The following PACSIN2 variants were observed in gnomAD, a reference collection of about 807,000 sequenced individuals.
PACSIN2 encodes protein kinase C and casein kinase substrate in neurons protein 2.
PACSIN2 carries 25 observed loss-of-function variants against 63.8 expected under a neutral mutation model. That is an observed-to-expected ratio of 0.39 (90% CI 0.29 to 0.55). The LOEUF is 0.55. Among genes scored for constraint, PACSIN2 ranks in the 20% least tolerant of loss-of-function variants. PACSIN2 has a pLI of 0.62. For synonymous variants in PACSIN2, 255 were observed against 256.2 expected (o/e 1.00, Z 0.05); for missense variants, 518 against 646.9 (o/e 0.80, Z 2.16).
At chr22:42,972,229 CAT>C (rs1268612564) in intron 1 of PACSIN2, among the ~76,000 whole-genome samples, 1 of 152,232 alleles carries the variant, frequency 6.6e-6, no homozygotes, top group Non-Finnish European at 1.5e-5. Context: ...CTCTCTGAAA[CAT>C]GTGCTGTGTC....
intron 10 of PACSIN2, among the ~76,000 whole-genome samples, chr22:42,872,374 C>A (rs763544195): frequency 2.6e-5 from 4 of 152,224 alleles, no homozygotes; most frequent in Non-Finnish European, 4.4e-5. Flanking sequence ...CCTGCTGGCT[C>A]GGACCTCGTC....
At chr22:42,987,493 C>CG in intron 1 of PACSIN2, among the ~76,000 whole-genome samples, 1 of 91,374 alleles carries the variant, frequency 1.1e-5, no homozygotes, top group East Asian at 3.2e-4. Flanking sequence ...CACACACACA[C>CG]CCATGGCACC....
At chr22:42,931,916 AAT>A (rs1201772750) in intron 1 of PACSIN2, among the ~76,000 whole-genome samples, 33 of 152,354 alleles carry the variant, frequency 2.2e-4, no homozygotes, top group African/African-American at 7.9e-4. Flanking sequence ...GAAAACGTTT[AAT>A]GTTTTCCCAT....
At chr22:43,004,602 T>C (rs1388074081) in intron 1 of PACSIN2, among the ~76,000 whole-genome samples, 1 of 152,204 alleles carries the variant, frequency 6.6e-6, no homozygotes, top group Non-Finnish European at 1.5e-5. Flanking sequence ...TTCATGATCT[T>C]GGCACGCTCG....
chr22:42,977,932 A>G (rs1159047953), intron 1 of PACSIN2, among the ~76,000 whole-genome samples: 1 of 152,206 alleles, frequency 6.6e-6, no homozygotes, highest in Non-Finnish European at 1.5e-5. Flanking sequence ...ACCCAGTCTC[A>G]GGTGGTTCTT....
At chr22:43,009,295 A>G (rs1924298395) in intron 1 of PACSIN2, among the ~76,000 whole-genome samples, 1 of 152,218 alleles carries the variant, frequency 6.6e-6, no homozygotes, top group Non-Finnish European at 1.5e-5. Context: ...TGCCACCTGT[A>G]CCACTCAGAA....
At chr22:42,931,571 TG>T in intron 1 of PACSIN2, among the ~76,000 whole-genome samples, 1 of 152,188 alleles carries the variant, frequency 6.6e-6, no homozygotes, top group Non-Finnish European at 1.5e-5. Context: ...ACAAAGCCGA[TG>T]GCTGCCCTGA....
At chr22:42,957,149 A>T (rs1271432716) in intron 1 of PACSIN2, among the ~76,000 whole-genome samples, 2 of 152,220 alleles carry the variant, frequency 1.3e-5, no homozygotes, top group African/African-American at 2.4e-5. Context: ...CACCTCTTTA[A>T]GGAGACTGAC....
intron 1 of PACSIN2, among the ~76,000 whole-genome samples, chr22:42,943,233 GATCTTAT>G (rs1933255262): frequency 6.6e-6 from 1 of 151,830 alleles, no homozygotes; most frequent in Admixed American, 6.6e-5. Flanking sequence ...TTTGTATATT[GATCTTAT>G]ATCCTACAAC....
At chr22:42,974,730 C>T (rs1173498265) in intron 1 of PACSIN2, among the ~76,000 whole-genome samples, 2 of 129,504 alleles carry the variant, frequency 1.5e-5, no homozygotes, top group Non-Finnish European at 3.1e-5. Context: ...GCCTGGGCAA[C>T]ACAGTGAGAT....
intron 1 of PACSIN2, among the ~76,000 whole-genome samples, chr22:42,953,610 T>C (rs1313716578): frequency 1.3e-5 from 2 of 152,238 alleles, no homozygotes; most frequent in Non-Finnish European, 2.9e-5. Flanking sequence ...GAGAGCTATA[T>C]ATTTAAATGC....
At chr22:42,913,348 A>G (rs749647460) in intron 1 of PACSIN2, among the ~76,000 whole-genome samples, 29 of 152,122 alleles carry the variant, frequency 1.9e-4, no homozygotes, top group Non-Finnish European at 3.2e-4. Flanking sequence ...GCGTGGTGGC[A>G]TGTGCCTATA....
At chr22:42,971,231 G>A (rs969365277) in intron 1 of PACSIN2, among the ~76,000 whole-genome samples, 5 of 152,296 alleles carry the variant, frequency 3.3e-5, no homozygotes, top group Admixed American at 2.0e-4. Flanking sequence ...GATTGCAGGC[G>A]CGCGCCGCCA....
At chr22:42,913,508 A>AGC (rs1931606910) in intron 1 of PACSIN2, among the ~76,000 whole-genome samples, 2 of 147,486 alleles carry the variant, frequency 1.4e-5, no homozygotes, top group Non-Finnish European at 3.0e-5. Context: ...AAAAAAAGAG[A>AGC]GACACTAATG....
At chr22:43,010,398 A>ATATATATATATATATATATATTT in intron 1 of PACSIN2, among the ~76,000 whole-genome samples, 230 of 126,368 alleles carry the variant, frequency 1.8e-3, no homozygotes, top group South Asian at 2.7e-3. Context: ...ATATATATAT[A>ATATATATATATATATATATATTT]TTTTTTTTTA....
intron 1 of PACSIN2, among the ~76,000 whole-genome samples, chr22:42,989,847 C>A (rs1201031596): frequency 7.3e-6 from 1 of 137,834 alleles, no homozygotes; most frequent in African/African-American, 3.0e-5. Context: ...AAAACTCATT[C>A]TCTTGGAGGG....
In PACSIN2 at chr22:42,870,648, T is replaced by TG. The variant is rs1385924657; in HGVS notation, c.*708dup. ...AAAATAATTTTTAAATATGGCGATT[T>TG]GGGGGAGTTCTACCTAAGGTTCTAT... On this transcript the variant is annotated 3_prime_UTR_variant, in exon 11 of 11. Coordinates refer to ENST00000263246, the MANE Select transcript of PACSIN2 (RefSeq NM_001184970.3). 1 of 152,216 alleles carries TG rather than the reference T, an allele frequency of 6.6e-6. No individual in the cohort carries two copies. Among genetic ancestry groups the TG allele is most frequent in the Non-Finnish European group, 1.5e-5 (1 of 68,034 alleles). 9.4% of individuals were successfully genotyped at this position (152,216 alleles called of 1,614,324 possible).
chr22:42,888,608 G>A, intron 5 of PACSIN2, 35 bp downstream of exon 5: 1 of 1,604,712 alleles, frequency 6.2e-7, no homozygotes, highest in South Asian at 1.1e-5. Flanking sequence ...CTGACACGGT[G>A]ACACTCGACG....
chr22:42,879,587 T>C (rs1005093721), intron 7 of PACSIN2, among the ~76,000 whole-genome samples: 1 of 152,216 alleles, frequency 6.6e-6, no homozygotes, highest in African/African-American at 2.4e-5. Context: ...AGATGTCTGC[T>C]GAGCCTCCCA....
Sources: allele counts gnomAD v4.1 joint callset (sites outside exome capture counted in the v4.1 genomes callset), GRCh38; gene constraint gnomAD v4.1.1; transcripts MANE v1.5; gene names NCBI Gene and HGNC (gene_info 2026-07-23, HGNC 2026-07-21).